The following RIN2 variants were observed in gnomAD, a reference collection of about 807,000 sequenced individuals.
The protein encoded by RIN2 is Ras and Rab interactor 2.
In RIN2, 36 loss-of-function variants were observed where a neutral mutation model predicts 78.0. The ratio of observed to expected loss-of-function variants is 0.46; its 90% confidence interval spans 0.35 to 0.61. The LOEUF (loss-of-function observed/expected upper bound fraction) is 0.61, where lower values mean the gene tolerates loss of function less well. Ranked by LOEUF, RIN2 falls within the 20% of genes least tolerant of loss-of-function variation. The pLI is 0.00. For missense variants in RIN2, 1,087 were observed against 1,159.7 expected (o/e 0.94, Z 0.91); for synonymous variants, 466 against 466.8 (o/e 1.00, Z 0.02).
At chr20:19,887,420 A>T (rs1339565116) in intron 2 of RIN2, among the ~76,000 whole-genome samples, 1 of 152,064 alleles carries the variant, frequency 6.6e-6, no homozygotes, top group Non-Finnish European at 1.5e-5. Flanking sequence ...ATCCCATGGG[A>T]TGTACCTGCT....
intron 3 of RIN2, among the ~76,000 whole-genome samples, chr20:19,894,700 ATT>A (rs1170074451): frequency 1.3e-5 from 2 of 152,202 alleles, no homozygotes; most frequent in Non-Finnish European, 2.9e-5. Flanking sequence ...AGCAGAGATA[ATT>A]GGAAGGCAAT....
chr20:19,974,618 A>G, intron 8 of RIN2, 36 bp from the exon 9 acceptor site: 1 of 1,587,236 alleles, frequency 6.3e-7, no homozygotes, highest in South Asian at 1.1e-5. Context: ...AGTGTACCGT[A>G]TTTACATTCT....
At chr20:19,867,244 G>A (rs192191592) in intron 2 of RIN2, among the ~76,000 whole-genome samples, 4 of 152,224 alleles carry the variant, frequency 2.6e-5, no homozygotes, top group Admixed American at 2.0e-4. Context: ...TGGACAGTAA[G>A]TTGCATGAGT....
At chr20:19,857,681 G>A (rs2037209656) in intron 2 of RIN2, among the ~76,000 whole-genome samples, 1 of 152,070 alleles carries the variant, frequency 6.6e-6, no homozygotes, top group African/African-American at 2.4e-5. Flanking sequence ...GTGTCTCAAT[G>A]TGGCTTTAAT....
chr20:19,940,943 G>A (rs988154772), intron 4 of RIN2, among the ~76,000 whole-genome samples: 2 of 152,174 alleles, frequency 1.3e-5, no homozygotes, highest in African/African-American at 4.8e-5. Flanking sequence ...AGGATCCCTG[G>A]CATCCTGGCT....
intron 2 of RIN2, among the ~76,000 whole-genome samples, chr20:19,848,601 G>T (rs942612001): frequency 6.7e-6 from 1 of 150,218 alleles, no homozygotes. Context: ...AAAAAAAGCC[G>T]GAGATGTACA....
intron 10 of RIN2, 97 bp from the exon 11 acceptor site, chr20:19,992,071 A>T: frequency 7.1e-7 from 1 of 1,414,162 alleles, no homozygotes; most frequent in East Asian, 2.4e-5. Flanking sequence ...AGTTCCCCCC[A>T]GAGTGACTCC....
intron 2 of RIN2, among the ~76,000 whole-genome samples, chr20:19,857,715 G>T (rs2037209984): frequency 6.6e-6 from 1 of 152,118 alleles, no homozygotes. Context: ...ACTGGATATG[G>T]TGGTACACAC....
intron 4 of RIN2, among the ~76,000 whole-genome samples, chr20:19,955,637 A>G (rs4633987): frequency 0.044 from 6,633 of 152,264 alleles, 469 homozygotes; most frequent in African/African-American, 0.15. Flanking sequence ...ACACTTGGCC[A>G]CATTTTGTTC....
At chr20:19,810,640 A>C (rs2035560181) in intron 2 of RIN2, among the ~76,000 whole-genome samples, 1 of 151,172 alleles carries the variant, frequency 6.6e-6, no homozygotes, top group Non-Finnish European at 1.5e-5. Context: ...TTGATGCTGA[A>C]ATTGCTCTTA....
chr20:19,840,266 T>G (rs970145083), intron 2 of RIN2, among the ~76,000 whole-genome samples: 3 of 152,072 alleles, frequency 2.0e-5, no homozygotes, highest in Non-Finnish European at 2.9e-5. Flanking sequence ...GGTCTCAGGG[T>G]TTCCTTCCCC....
At chr20:19,869,439 A>G (rs1411507847) in intron 2 of RIN2, among the ~76,000 whole-genome samples, 1 of 152,212 alleles carries the variant, frequency 6.6e-6, no homozygotes, top group Non-Finnish European at 1.5e-5. Flanking sequence ...AAGATGGGTT[A>G]GCACTGACCC....
chr20:19,913,916 A>T (rs1257864666), intron 3 of RIN2, among the ~76,000 whole-genome samples: 2 of 152,180 alleles, frequency 1.3e-5, no homozygotes, highest in African/African-American at 2.4e-5. Flanking sequence ...TTTAAGGAAG[A>T]TTATTTTTTT....
chr20:19,886,624 T>TA (rs1019757857), intron 2 of RIN2: 1 of 831,958 alleles, frequency 1.2e-6, no homozygotes, highest in African/African-American at 1.8e-5. Context: ...TTTTTTTTTT[T>TA]TTTTTTTGCT....
chr20:19,772,593 C>G (rs533208307), intron 1 of RIN2, among the ~76,000 whole-genome samples: 1 of 152,142 alleles, frequency 6.6e-6, no homozygotes, highest in South Asian at 2.1e-4. Context: ...CTTCCACTGA[C>G]AAGCACTCCA....
At chr20:19,909,526 C>T (rs1222996391) in intron 3 of RIN2, among the ~76,000 whole-genome samples, 1 of 152,200 alleles carries the variant, frequency 6.6e-6, no homozygotes, top group Non-Finnish European at 1.5e-5. Flanking sequence ...CTTGTGTGCA[C>T]GTCTCTGTGT....
At position 19,879,048 on chromosome 20, in the gene RIN2, C is replaced by G. The variant is rs186101082; in HGVS notation, c.-36-10518C>G. Among the ~76,000 whole-genome samples the G allele has an allele frequency of 2.6e-5, 4 of 152,300 alleles. No homozygotes were observed. The East Asian group carries it at 7.7e-4, about 29-fold the overall frequency. ...CTAAGCTTCAGAGAACCTGCAGAGCCTAGCAGAAATTATTTGGTAGTTGCA... is the reference window on the plus strand; with the variant it reads ...CTAAGCTTCAGAGAACCTGCAGAGCGTAGCAGAAATTATTTGGTAGTTGCA... On this transcript the variant is annotated intron_variant, in intron 2 of 12. Coordinates refer to ENST00000255006, the MANE Select transcript of RIN2 (RefSeq NM_018993.4).
At chr20:19,901,178 T>C (rs1198445050) in intron 3 of RIN2, among the ~76,000 whole-genome samples, 4 of 152,044 alleles carry the variant, frequency 2.6e-5, no homozygotes, top group African/African-American at 7.2e-5. Context: ...CTCTGGAAAA[T>C]GGAATGATAC....
chr20:19,864,186 A>G (rs758449568), intron 2 of RIN2, among the ~76,000 whole-genome samples: 23 of 152,124 alleles, frequency 1.5e-4, no homozygotes, highest in Admixed American at 2.6e-4. Flanking sequence ...AGAAGTTACT[A>G]TTGACAGTAC....
Sources: allele counts gnomAD v4.1 joint callset (sites outside exome capture counted in the v4.1 genomes callset), GRCh38; gene constraint gnomAD v4.1.1; transcripts MANE v1.5; gene names NCBI Gene and HGNC (gene_info 2026-07-23, HGNC 2026-07-21).